Variants in FTO observed in about 807,000 individuals in gnomAD.
FTO encodes FTO alpha-ketoglutarate dependent dioxygenase.
Under a neutral mutation model 63.9 loss-of-function variants are expected in FTO, and 47 were observed. That is an observed-to-expected ratio of 0.74 (90% CI 0.58 to 0.94). The LOEUF (loss-of-function observed/expected upper bound fraction) is 0.94. Ranked by LOEUF, FTO falls within the 40% of genes least tolerant of loss-of-function variation. The probability of loss-of-function intolerance (pLI) is 0.00; values close to 1 mark genes in which losing one functional copy is unlikely to be tolerated. For synonymous variants in FTO, 207 were observed against 224.4 expected (o/e 0.92, Z 0.69); for missense variants, 562 against 618.1 (o/e 0.91, Z 0.96).
At chr16:53,888,656 G>T (rs2081070876) in intron 6 of FTO, among the ~76,000 whole-genome samples, 176 bp from the exon 7 acceptor site, 1 of 152,104 alleles carries the variant, frequency 6.6e-6, no homozygotes, top group Non-Finnish European at 1.5e-5. Flanking sequence ...TCTTAGCTTT[G>T]CAGATATGCT....
At chr16:53,891,448 C>T (rs1277850617) in intron 7 of FTO, among the ~76,000 whole-genome samples, 9 of 150,950 alleles carry the variant, frequency 6.0e-5, no homozygotes, top group African/African-American at 2.2e-4. Context: ...ATTGCTTGAT[C>T]CCAGGAGTTT....
chr16:53,837,233 T>C (rs2079323753), intron 3 of FTO, among the ~76,000 whole-genome samples: 1 of 152,234 alleles, frequency 6.6e-6, no homozygotes, highest in South Asian at 2.1e-4. Flanking sequence ...CCGTGAAACA[T>C]GATGTAATGA....
At chr16:54,052,005 A>G (rs2085323966) in intron 8 of FTO, among the ~76,000 whole-genome samples, 1 of 152,124 alleles carries the variant, frequency 6.6e-6, no homozygotes, top group Non-Finnish European at 1.5e-5. Context: ...AAAACAGAAC[A>G]CTCTCTAGAC....
chr16:53,854,643 A>G (rs1388395697), intron 4 of FTO, among the ~76,000 whole-genome samples: 2 of 152,072 alleles, frequency 1.3e-5, no homozygotes, highest in African/African-American at 2.4e-5. Flanking sequence ...CAGTCTGTGT[A>G]TCTACTTTTA....
chr16:54,058,002 C>T (rs1002262056), intron 8 of FTO, among the ~76,000 whole-genome samples: 7 of 152,156 alleles, frequency 4.6e-5, no homozygotes, highest in East Asian at 1.9e-4. Context: ...CTCATTCCCA[C>T]GGCCTCTTCC....
chr16:53,966,028 T>C (rs2083189683), intron 8 of FTO, among the ~76,000 whole-genome samples: 1 of 151,992 alleles, frequency 6.6e-6, no homozygotes, highest in Non-Finnish European at 1.5e-5. Flanking sequence ...CCACCACGCC[T>C]AACTAATTTT....
rs2086934323 is a variant in FTO, at chr16:54,113,479, C to T, written c.*1564C>T. 6.6e-6 allele frequency: 1 copy of T among 152,224 alleles called. No homozygotes were observed. Among genetic ancestry groups the T allele is most frequent in the Admixed American group, 6.5e-5 (1 of 15,294 alleles). 9.4% of individuals were successfully genotyped at this position (152,224 alleles called of 1,614,324 possible). On this transcript the variant is annotated 3_prime_UTR_variant, in exon 9 of 9. Transcript: ENST00000471389. Reference sequence around the variant, plus strand: ...CACAGAAATGTCACATTAAGCAAAGCAGCCAGGGTCTCATCGTGTTGAGAC... The same window carrying T: ...CACAGAAATGTCACATTAAGCAAAGTAGCCAGGGTCTCATCGTGTTGAGAC...
intron 1 of FTO, among the ~76,000 whole-genome samples, chr16:53,709,826 C>T (rs1283715122): frequency 2.6e-5 from 4 of 152,046 alleles, no homozygotes; most frequent in Non-Finnish European, 5.9e-5. Context: ...GACATCAGTC[C>T]TCTTTACCCC....
chr16:53,861,732 G>T (rs2080179011), intron 4 of FTO, among the ~76,000 whole-genome samples: 1 of 152,012 alleles, frequency 6.6e-6, no homozygotes, highest in Non-Finnish European at 1.5e-5. Flanking sequence ...CTGCGTTTAT[G>T]CTTACTGCTA....
At chr16:53,987,070 G>A (rs2083683510) in intron 8 of FTO, among the ~76,000 whole-genome samples, 2 of 151,622 alleles carry the variant, frequency 1.3e-5, no homozygotes, top group Non-Finnish European at 2.9e-5. Flanking sequence ...TTTTCTTTTT[G>A]GCAAGAAAAG....
intron 1 of FTO, among the ~76,000 whole-genome samples, chr16:53,761,178 C>T (rs1439888334): frequency 6.6e-6 from 1 of 151,856 alleles, no homozygotes; most frequent in Non-Finnish European, 1.5e-5. Context: ...CTCACTGCAG[C>T]ATAAAACTCC....
At chr16:53,851,017 A>G (rs1008916730) in intron 4 of FTO, among the ~76,000 whole-genome samples, 8 of 152,206 alleles carry the variant, frequency 5.3e-5, no homozygotes, top group African/African-American at 1.9e-4. Flanking sequence ...TTAGAGAAGT[A>G]TAATATCTTG....
At chr16:53,800,767 CT>C (rs1173629776) in intron 1 of FTO, among the ~76,000 whole-genome samples, 1 of 151,980 alleles carries the variant, frequency 6.6e-6, no homozygotes, top group African/African-American at 2.4e-5. Context: ...TCCATTTTGT[CT>C]GATATCAATA....
intron 8 of FTO, among the ~76,000 whole-genome samples, chr16:53,980,777 G>A (rs543350938): frequency 1.1e-4 from 17 of 152,264 alleles, no homozygotes; most frequent in African/African-American, 1.9e-4. Context: ...AGAAGCTTCC[G>A]TATTTAAATA....
intron 1 of FTO, 62 bp from the exon 2 acceptor site, chr16:53,810,078 A>G: frequency 9.1e-7 from 1 of 1,102,616 alleles, no homozygotes. Flanking sequence ...TGGAAAAATA[A>G]GAGAGTGTCT....
At chr16:53,848,240 G>A (rs147685476) in intron 4 of FTO, among the ~76,000 whole-genome samples, 19 of 152,242 alleles carry the variant, frequency 1.2e-4, no homozygotes, top group African/African-American at 3.9e-4. Context: ...CTTCGGCCCC[G>A]TGCTGATATC....
At chr16:54,109,382 G>A (rs1370557002) in intron 8 of FTO, among the ~76,000 whole-genome samples, 2 of 152,128 alleles carry the variant, frequency 1.3e-5, no homozygotes, top group Non-Finnish European at 2.9e-5. Context: ...CCAGGCTGGA[G>A]TGCAGTAGCA....
intron 4 of FTO, among the ~76,000 whole-genome samples, chr16:53,861,006 A>C (rs1281208276): frequency 6.6e-6 from 1 of 152,208 alleles, no homozygotes; most frequent in Non-Finnish European, 1.5e-5. Context: ...TACATTTTAC[A>C]TTGTAGATAT....
At chr16:54,089,986 A>T (rs2086344327) in intron 8 of FTO, among the ~76,000 whole-genome samples, 1 of 152,184 alleles carries the variant, frequency 6.6e-6, no homozygotes, top group African/African-American at 2.4e-5. Context: ...TCCTCAAAAA[A>T]ATTACACATA....
Sources: gnomAD v4.1 joint callset for allele counts (sites outside exome capture counted in the v4.1 genomes callset) on GRCh38, gnomAD v4.1.1 for gene constraint, MANE v1.5 for transcripts, NCBI Gene and HGNC (gene_info 2026-07-23, HGNC 2026-07-21) for gene names.